Variants in CDH12 observed in about 807,000 individuals in gnomAD.
CDH12 encodes the protein cadherin 12.
CDH12 carries 41 observed loss-of-function variants against 74.1 expected under a neutral mutation model. The ratio of observed to expected loss-of-function variants is 0.55; its 90% CI spans 0.43 to 0.72. The LOEUF (loss-of-function observed/expected upper bound fraction) is 0.72. Among genes scored for constraint, CDH12 ranks in the 30% least tolerant of loss-of-function variants. The pLI is 0.00. For missense variants in CDH12, 945 were observed against 977.2 expected (o/e 0.97, Z 0.44); for synonymous variants, 399 against 355.0 (o/e 1.12, Z -1.39).
chr5:22,117,526 ATATAT>A (rs1745244526), intron 4 of CDH12, among the ~76,000 whole-genome samples: 1 of 62,536 alleles, frequency 1.6e-5, no homozygotes, highest in Non-Finnish European at 3.0e-5. Flanking sequence ...TATATATAAT[ATATAT>A]ATATATATAT....
rs895263903 is a variant in CDH12 at position 22,131,060 on chromosome 5, T to C, written c.-186-52198A>G. 3.3e-5 allele frequency among the ~76,000 whole-genome samples: 5 copies of C among 152,118 alleles called. No homozygotes were observed. In the East Asian group the frequency reaches 7.7e-4, roughly 23 times the overall value. On this transcript the variant is annotated intron_variant, in intron 4 of 14. Coordinates refer to ENST00000382254, the MANE Select transcript of CDH12 (RefSeq NM_004061.5). ...AGTGTATCTCATTTTAGGAATAATG[T>C]TCATTGAATTTATCCATTTTATCCA...
intron 1 of CDH12, among the ~76,000 whole-genome samples, chr5:22,610,777 A>T (rs2126825740): frequency 6.6e-6 from 1 of 152,240 alleles, no homozygotes; most frequent in African/African-American, 2.4e-5. Flanking sequence ...TTACTTAAAA[A>T]TATCTAATTA....
intron 2 of CDH12, among the ~76,000 whole-genome samples, chr5:22,433,213 C>T (rs1397087058): frequency 4.6e-5 from 7 of 152,100 alleles, no homozygotes; most frequent in Non-Finnish European, 1.5e-5. Context: ...AGATTGGTTT[C>T]TACTTTCCCG....
chr5:22,048,329 T>G (rs1380694750), intron 5 of CDH12, among the ~76,000 whole-genome samples: 1 of 152,072 alleles, frequency 6.6e-6, no homozygotes, highest in African/African-American at 2.4e-5. Flanking sequence ...TGAGATAGAG[T>G]ACTGATGATG....
At chr5:21,877,448 C>A (rs909328152) in intron 6 of CDH12, among the ~76,000 whole-genome samples, 1 of 152,066 alleles carries the variant, frequency 6.6e-6, no homozygotes, top group African/African-American at 2.4e-5. Flanking sequence ...TCAGAACCTA[C>A]AACAGAGCTT....
At chr5:22,797,306 G>T (rs1364091293) in intron 1 of CDH12, among the ~76,000 whole-genome samples, 1 of 151,834 alleles carries the variant, frequency 6.6e-6, no homozygotes, top group Non-Finnish European at 1.5e-5. Context: ...CACCAGAGCT[G>T]ACAGCACCTT....
rs10709369 is a variant in CDH12, at chr5:22,380,538, C to CA, written c.-333+24718dup. 5.0e-4 allele frequency among the ~76,000 whole-genome samples: 75 copies of CA among 150,698 alleles called. 1 individual carries two copies. The highest frequency in any genetic ancestry group is 1.6e-3 in the African/African-American group (67 of 40,830). ...ATCATTTTATGTAATATAACAAATA[C>CA]AAAAAAAAAACTACTATGTACTTTC... On this transcript the variant is annotated intron_variant, in intron 3 of 14. Coordinates refer to ENST00000382254, the MANE Select transcript of CDH12 (RefSeq NM_004061.5).
intron 1 of CDH12, among the ~76,000 whole-genome samples, chr5:22,574,827 G>A (rs185003483): frequency 6.6e-6 from 1 of 152,132 alleles, no homozygotes; most frequent in East Asian, 1.9e-4. Context: ...AGAAACACGA[G>A]CCCTAGAATG....
intron 1 of CDH12, among the ~76,000 whole-genome samples, chr5:22,728,680 G>A (rs982251087): frequency 2.6e-5 from 4 of 151,782 alleles, no homozygotes; most frequent in Non-Finnish European, 4.4e-5. Context: ...TCTAAGATGC[G>A]GCAAATCCAG....
intron 4 of CDH12, among the ~76,000 whole-genome samples, chr5:22,086,122 T>C (rs1368730704): frequency 6.6e-6 from 1 of 152,146 alleles, no homozygotes; most frequent in Non-Finnish European, 1.5e-5. Flanking sequence ...TTTTGTTTTA[T>C]AGACTGCCTG....
At chr5:22,129,320 G>A (rs1487543668) in intron 4 of CDH12, among the ~76,000 whole-genome samples, 1 of 152,114 alleles carries the variant, frequency 6.6e-6, no homozygotes, top group African/African-American at 2.4e-5. Flanking sequence ...TTGTTGCAAG[G>A]GTGAAATGCA....
chr5:22,228,254 AT>A (rs1354314235), intron 3 of CDH12, among the ~76,000 whole-genome samples: 3 of 152,108 alleles, frequency 2.0e-5, no homozygotes, highest in African/African-American at 7.2e-5. Context: ...ATTATAAAAC[AT>A]AGATGCAAAT....
chr5:21,778,100 G>A (rs1260595597), intron 11 of CDH12, among the ~76,000 whole-genome samples: 1 of 151,964 alleles, frequency 6.6e-6, no homozygotes, highest in Non-Finnish European at 1.5e-5. Context: ...AACCCCTAAA[G>A]TATTTAAAAT....
chr5:22,154,756 T>C (rs1428832776), intron 4 of CDH12, among the ~76,000 whole-genome samples: 2 of 152,020 alleles, frequency 1.3e-5, no homozygotes, highest in East Asian at 3.9e-4. Context: ...GCACTGTATT[T>C]TTCTGTCTAT....
chr5:22,720,315 C>T (rs563753407), intron 1 of CDH12, among the ~76,000 whole-genome samples: 8 of 152,232 alleles, frequency 5.3e-5, no homozygotes, highest in African/African-American at 1.9e-4. Flanking sequence ...TTACTCTTTC[C>T]TATCACTTTG....
intron 5 of CDH12, among the ~76,000 whole-genome samples, chr5:22,053,515 G>A (rs1311057306): frequency 6.6e-6 from 1 of 151,866 alleles, no homozygotes; most frequent in Non-Finnish European, 1.5e-5. Flanking sequence ...GTGTATCACG[G>A]TGGCTGCCAT....
chr5:21,835,203 T>C (rs1386157496), intron 8 of CDH12, among the ~76,000 whole-genome samples: 1 of 151,908 alleles, frequency 6.6e-6, no homozygotes, highest in African/African-American at 2.4e-5. Flanking sequence ...TTGCCTTCTC[T>C]GGACTCAAAT....
At chr5:22,138,981 T>A (rs1186304961) in intron 4 of CDH12, among the ~76,000 whole-genome samples, 2 of 149,850 alleles carry the variant, frequency 1.3e-5, no homozygotes, top group East Asian at 3.9e-4. Context: ...TGAACAGAAA[T>A]CCTTTAAGAC....
chr5:22,315,119 C>CTTTTTTTTTTTTTTT lies in CDH12; in HGVS notation c.-333+90123_-333+90137dup, dbSNP rs70959715. Among the ~76,000 whole-genome samples, 129 of 22,992 alleles carry CTTTTTTTTTTTTTTT rather than the reference C, an allele frequency of 5.6e-3. 42 individuals are homozygous for CTTTTTTTTTTTTTTT. The highest frequency in any genetic ancestry group is 8.4e-3 in the East Asian group (5 of 592). The allele number at this position is 22,992 out of a possible 152,430, so 15.1% of individuals were successfully genotyped here. ...GGCGCCTGCCACCGTGCCTGCCTGG[C>CTTTTTTTTTTTTTTT]TTTTTTTTTTTTTTTTTTTTTTTTA... On this transcript the variant is annotated intron_variant, in intron 3 of 14. Transcript: ENST00000382254.
Sources: gnomAD v4.1 joint callset for allele counts (sites outside exome capture counted in the v4.1 genomes callset) on GRCh38, gnomAD v4.1.1 for gene constraint, MANE v1.5 for transcripts, NCBI Gene and HGNC (gene_info 2026-07-23, HGNC 2026-07-21) for gene names.